Variants in EFCAB11 observed in about 807,000 individuals in gnomAD.
EFCAB11 encodes EF-hand calcium-binding domain-containing protein 11.
Under a neutral mutation model 23.0 loss-of-function variants are expected in EFCAB11, and 14 were observed. The observed-to-expected ratio is 0.61, with a 90% CI of 0.40 to 0.95. The LOEUF (loss-of-function observed/expected upper bound fraction) is 0.95. Ranked by LOEUF, EFCAB11 falls within the 40% of genes least tolerant of loss-of-function variation. The pLI is 0.00. For synonymous variants in EFCAB11, 65 were observed against 66.6 expected (o/e 0.98, Z 0.11); for missense variants, 198 against 195.8 (o/e 1.01, Z -0.07).
chr14:89,841,433 A>C (rs927022758), intron 5 of EFCAB11, among the ~76,000 whole-genome samples: 31 of 116,360 alleles, frequency 2.7e-4, no homozygotes, highest in South Asian at 2.7e-4. Flanking sequence ...CCCCTCAACT[A>C]CTCTCTTCTT....
chr14:89,805,186 C>A (rs557894400), intron 5 of EFCAB11, among the ~76,000 whole-genome samples: 31 of 152,300 alleles, frequency 2.0e-4, no homozygotes, highest in African/African-American at 7.2e-4. Flanking sequence ...ACATTGTTTG[C>A]GTCTTCCCCA....
chr14:89,821,863 G>A (rs1296715720), intron 5 of EFCAB11, among the ~76,000 whole-genome samples: 2 of 152,106 alleles, frequency 1.3e-5, no homozygotes, highest in East Asian at 3.9e-4. Flanking sequence ...TTTAGTCTCT[G>A]GTTTTAAAAC....
chr14:89,925,985 T>C (rs572994472), intron 5 of EFCAB11, among the ~76,000 whole-genome samples: 1 of 152,212 alleles, frequency 6.6e-6, no homozygotes, highest in Admixed American at 6.5e-5. Flanking sequence ...TGCACCACCA[T>C]GCTGGGATAA....
chr14:89,828,619 T>G (rs994225830), intron 5 of EFCAB11, among the ~76,000 whole-genome samples: 1 of 152,188 alleles, frequency 6.6e-6, no homozygotes, highest in Non-Finnish European at 1.5e-5. Flanking sequence ...TATGAAGCAA[T>G]GAGACCATCA....
chr14:89,935,943 G>A (rs1475646250), intron 3 of EFCAB11, among the ~76,000 whole-genome samples: 1 of 152,192 alleles, frequency 6.6e-6, no homozygotes, highest in Non-Finnish European at 1.5e-5. Flanking sequence ...AGGAGGTGGA[G>A]GTTGCGGTGA....
rs1885607130 is a variant in EFCAB11 at position 89,797,292 on chromosome 14, C to T, written c.443G>A (p.Ser148Asn). 6.2e-7 allele frequency: 1 copy of T among 1,613,306 alleles called. No homozygotes were observed. ...CAGGGCATATTCAAAGTCTCTAAAGCTGACGTGACCATCTGAATCTCGATC... is the reference window on the plus strand; with the variant it reads ...CAGGGCATATTCAAAGTCTCTAAAGTTGACGTGACCATCTGAATCTCGATC... ...EVDRDSDGHV[S>N]FRDFEYALNY... The change falls in exon 6 of 6, where the codon AGC becomes AAC. Residue 148 changes from serine (S) to asparagine (N), a missense_variant. By Grantham distance (46) the Ser-to-Asn change is conservative. Transcript: ENST00000316738.
rs752820115 is a variant in EFCAB11, at chr14:89,808,411, T to C, written c.411-11087A>G. Among the ~76,000 whole-genome samples the C allele has an allele frequency of 9.2e-4, 140 of 152,240 alleles. 11 individuals carry two copies. The highest frequency in any genetic ancestry group is 1.3e-4 in the Non-Finnish European group (9 of 67,992). On this transcript the variant is annotated intron_variant, in intron 5 of 5. Transcript: ENST00000316738. The stretch of plus-strand genomic sequence containing the variant: ...AAATTACTTTAAAATTCTGTGAAGA[T>C]AGATTTTTTTTTCCATTAAATGAGA...
intron 5 of EFCAB11, among the ~76,000 whole-genome samples, chr14:89,816,937 T>G (rs1250518922): frequency 6.6e-6 from 1 of 152,092 alleles, no homozygotes; most frequent in East Asian, 1.9e-4. Flanking sequence ...AGATTTCTCT[T>G]ATAACAAGGA....
intron 5 of EFCAB11, among the ~76,000 whole-genome samples, chr14:89,894,645 T>TA (rs1889103201): frequency 6.6e-6 from 1 of 152,178 alleles, no homozygotes; most frequent in Non-Finnish European, 1.5e-5. Flanking sequence ...ATCACCCCTG[T>TA]AAGTCCTAGC....
At chr14:89,943,919 A>T (rs1890879355) in intron 3 of EFCAB11, among the ~76,000 whole-genome samples, 1 of 152,184 alleles carries the variant, frequency 6.6e-6, no homozygotes, top group South Asian at 2.1e-4. Context: ...TCCAGAATCC[A>T]TACCTCTCTG....
intron 5 of EFCAB11, among the ~76,000 whole-genome samples, chr14:89,901,356 A>G (rs1438767093): frequency 1.3e-5 from 2 of 152,248 alleles, no homozygotes; most frequent in East Asian, 3.8e-4. Context: ...AGGATAAAAA[A>G]GATGGTACAA....
intron 5 of EFCAB11, among the ~76,000 whole-genome samples, chr14:89,912,533 C>T (rs1460935698): frequency 6.6e-6 from 1 of 152,152 alleles, no homozygotes; most frequent in East Asian, 1.9e-4. Context: ...CTATACTGCT[C>T]TATTGAAATA....
At chr14:89,863,918 A>G (rs900202039) in intron 5 of EFCAB11, among the ~76,000 whole-genome samples, 2 of 152,248 alleles carry the variant, frequency 1.3e-5, no homozygotes, top group African/African-American at 4.8e-5. Context: ...TGAATTTTAA[A>G]AACTCTTTAA....
chr14:89,854,794 C>T (rs1193308805), intron 5 of EFCAB11, among the ~76,000 whole-genome samples: 1 of 152,126 alleles, frequency 6.6e-6, no homozygotes, highest in East Asian at 1.9e-4. Flanking sequence ...CCATGTCCAT[C>T]CACCGTGCAT....
intron 5 of EFCAB11, among the ~76,000 whole-genome samples, chr14:89,849,182 C>T (rs1887521140): frequency 6.6e-6 from 1 of 152,196 alleles, no homozygotes. Context: ...TCGGTTCTCA[C>T]AAATGTTATG....
At chr14:89,937,768 T>C (rs1235881607) in intron 3 of EFCAB11, among the ~76,000 whole-genome samples, 1 of 152,132 alleles carries the variant, frequency 6.6e-6, no homozygotes, top group Non-Finnish European at 1.5e-5. Flanking sequence ...TTGTGATCCG[T>C]CTGCCTCGGC....
intron 5 of EFCAB11, among the ~76,000 whole-genome samples, chr14:89,805,833 C>T (rs1381172449): frequency 6.6e-6 from 1 of 152,140 alleles, no homozygotes; most frequent in African/African-American, 2.4e-5. Context: ...CTTTTCCAAA[C>T]CTTGCAGTAT....
intron 5 of EFCAB11, among the ~76,000 whole-genome samples, chr14:89,833,423 A>T (rs547140165): frequency 6.6e-6 from 1 of 152,318 alleles, no homozygotes; most frequent in Admixed American, 6.5e-5. Context: ...CATAATATCC[A>T]CTCTAAGATT....
intron 5 of EFCAB11, among the ~76,000 whole-genome samples, chr14:89,894,227 GGCGTGAGCCACCGCACC>G (rs1889086361): frequency 6.6e-6 from 1 of 151,994 alleles, no homozygotes; most frequent in Non-Finnish European, 1.5e-5. Context: ...TGGGATTACA[GGCGTGAGCCACCGCACC>G]CAGCCTTGAT....
Sources: gnomAD v4.1 joint callset for allele counts (sites outside exome capture counted in the v4.1 genomes callset) on GRCh38, gnomAD v4.1.1 for gene constraint, MANE v1.5 for transcripts, NCBI Gene and HGNC (gene_info 2026-07-23, HGNC 2026-07-21) for gene names.